UNC80: variants seen among roughly 807,000 people sequenced by gnomAD.
UNC80 encodes the protein unc-80 subunit of NALCN channel complex.
Under a neutral mutation model 384.6 loss-of-function variants are expected in UNC80, and 164 were observed. The observed-to-expected ratio is 0.43, with a 90% CI of 0.38 to 0.49. UNC80 has a LOEUF of 0.49. Ranked by LOEUF, UNC80 falls within the 20% of genes least tolerant of loss-of-function variation. UNC80 has a pLI of 0.00. For missense variants in UNC80, 3,330 were observed against 4,143.0 expected (o/e 0.80, Z 5.39); for synonymous variants, 1,486 against 1,527.8 (o/e 0.97, Z 0.64).
intron 14 of UNC80, 83 bp downstream of exon 14, chr2:209,826,136 A>G (rs2080502210): frequency 2.1e-5 from 29 of 1,352,028 alleles, no homozygotes; most frequent in Non-Finnish European, 2.7e-5. Flanking sequence ...AATGAGGGTC[A>G]GTGTTCCCTG....
At chr2:209,937,665 G>T in intron 42 of UNC80, 35 bp downstream of exon 42, 1 of 1,474,840 alleles carries the variant, frequency 6.8e-7, no homozygotes, top group Non-Finnish European at 9.3e-7. Context: ...CCATGGTTTT[G>T]TCATGTTGTT....
intron 22 of UNC80, among the ~76,000 whole-genome samples, chr2:209,866,586 C>T (rs2083848989): frequency 6.9e-6 from 1 of 145,270 alleles, no homozygotes; most frequent in Non-Finnish European, 1.5e-5. Context: ...CCCAAATAGT[C>T]AATAGTATTG....
rs761374288 is a variant in UNC80, at chr2:209,999,074, A to AT, written c.*3479_*3480insT. ...ATTGTCACTGTGACCACAGGATGAA[A>AT]ATCCTTTATTAGCCATTTTATAGGT... On this transcript the variant is annotated 3_prime_UTR_variant, in exon 65 of 65. Transcript: ENST00000673920. 1.3e-4 allele frequency: 20 copies of AT among 152,326 alleles called. No individual in the cohort carries two copies. In the East Asian group the frequency reaches 1.5e-3, roughly 12 times the overall value. The allele number at this position is 152,326 out of a possible 1,614,324, so 9.4% of individuals were successfully genotyped here.
At chr2:209,821,190 T>C (rs1389840675) in intron 13 of UNC80, among the ~76,000 whole-genome samples, 2 of 152,180 alleles carry the variant, frequency 1.3e-5, no homozygotes, top group East Asian at 3.9e-4. Context: ...ACCACTGTCT[T>C]ATTGTGTTCT....
At chr2:209,924,727 C>G (rs1032980924) in intron 35 of UNC80, among the ~76,000 whole-genome samples, 1 of 151,642 alleles carries the variant, frequency 6.6e-6, no homozygotes, top group African/African-American at 2.4e-5. Flanking sequence ...CTTCTCCCAA[C>G]TCATATGAGC....
At chr2:209,919,758 T>G (rs1188042817) in intron 33 of UNC80, among the ~76,000 whole-genome samples, 1 of 152,206 alleles carries the variant, frequency 6.6e-6, no homozygotes, top group African/African-American at 2.4e-5. Context: ...AATACACACC[T>G]GGTTCTTCTC....
chr2:209,838,429 C>G (rs1029717724), intron 18 of UNC80, among the ~76,000 whole-genome samples: 2 of 152,090 alleles, frequency 1.3e-5, no homozygotes, highest in African/African-American at 4.8e-5. Context: ...TCAAAAATCC[C>G]CTTGCAGGTA....
At chr2:209,978,061 G>A (rs1375336142) in intron 58 of UNC80, among the ~76,000 whole-genome samples, 1 of 152,122 alleles carries the variant, frequency 6.6e-6, no homozygotes, top group Non-Finnish European at 1.5e-5. Context: ...TATTTTATAG[G>A]TTGTAATTTC....
intron 29 of UNC80, among the ~76,000 whole-genome samples, chr2:209,905,426 A>T (rs1253702265): frequency 1.3e-5 from 2 of 152,088 alleles, no homozygotes; most frequent in East Asian, 3.9e-4. Flanking sequence ...AGAGCCAGAG[A>T]AGGAAATGTC....
At chr2:209,938,676 G>GTCTC (rs10555565) in intron 42 of UNC80, among the ~76,000 whole-genome samples, 14,462 of 137,000 alleles carry the variant, frequency 0.11, 843 homozygotes, top group East Asian at 0.15. Flanking sequence ...CCTAGTCTCT[G>GTCTC]TCTCTCTCTC....
chr2:209,995,253 GACA>G (rs1355157716), intron 64 of UNC80, 73 bp from the exon 65 acceptor site: 3 of 1,510,410 alleles, frequency 2.0e-6, no homozygotes, highest in African/African-American at 1.4e-5. Flanking sequence ...ATTACCACTA[GACA>G]ACAACATTTT....
intron 31 of UNC80, among the ~76,000 whole-genome samples, chr2:209,916,529 G>A (rs1273670450): frequency 2.6e-5 from 4 of 152,068 alleles, no homozygotes; most frequent in African/African-American, 9.7e-5. Context: ...AGGCAGGGTG[G>A]GTTTCATTTT....
At chr2:209,784,603 G>T (rs935098567) in intron 4 of UNC80, among the ~76,000 whole-genome samples, 3 of 151,984 alleles carry the variant, frequency 2.0e-5, no homozygotes, top group Admixed American at 2.0e-4. Context: ...CCTTCATTTT[G>T]TTCAGAACTT....
intron 28 of UNC80, among the ~76,000 whole-genome samples, chr2:209,903,232 G>A (rs954851986): frequency 6.9e-6 from 1 of 145,164 alleles, no homozygotes; most frequent in East Asian, 2.0e-4. Flanking sequence ...TTGATCTGCA[G>A]TTGGTTGAAT....
chr2:209,983,004 G>A (rs1053997705), intron 60 of UNC80: 3 of 151,402 alleles, frequency 2.0e-5, no homozygotes, highest in Non-Finnish European at 2.9e-5. Context: ...TCTCACATGA[G>A]TCAAAACATT....
rs2124974205 is a variant in UNC80, at chr2:209,937,605, A to G, written c.6440A>G (p.Lys2147Arg). 6.4e-7 allele frequency: 1 copy of G among 1,551,890 alleles called. No homozygotes were observed. The highest frequency in any genetic ancestry group is 2.4e-5 in the East Asian group (1 of 40,914). Residue 2147 changes from lysine to arginine, a missense_variant, in exon 42 of 65, where the codon AAG becomes AGG. Physicochemically the swap from Lys to Arg is conservative, Grantham distance 26 (BLOSUM62 2). This residue lies in a region of UNC80 where 1,049 missense variants were observed against 1,488.6 expected (regional missense o/e 0.70). Coordinates refer to ENST00000673920, the MANE Select transcript of UNC80 (RefSeq NM_001371986.1). ...AATCTTGTACATATGCATCCAGAGA[A>G]GGGACAGGAGCTCATTCAGAAACAG... ...QLNLVHMHPE[K>R]GQELIQKQVF... is the part of the protein sequence containing the mutation.
intron 47 of UNC80, among the ~76,000 whole-genome samples, chr2:209,948,781 G>A (rs1467909877): frequency 6.6e-6 from 1 of 152,088 alleles, no homozygotes; most frequent in Non-Finnish European, 1.5e-5. Flanking sequence ...ACTAAGAATA[G>A]TATTTGCTAA....
intron 8 of UNC80, among the ~76,000 whole-genome samples, chr2:209,814,912 C>A (rs2079620765): frequency 6.6e-6 from 1 of 151,872 alleles, no homozygotes; most frequent in African/African-American, 2.4e-5. Flanking sequence ...GATATTCTGC[C>A]TAAGTGGATA....
chr2:209,952,868 T>A (rs963971463), intron 47 of UNC80, among the ~76,000 whole-genome samples: 1 of 152,174 alleles, frequency 6.6e-6, no homozygotes, highest in Non-Finnish European at 1.5e-5. Context: ...CAAAAGAGTA[T>A]CATAGTTCTT....
Sources: gnomAD v4.1 joint callset for allele counts (sites outside exome capture counted in the v4.1 genomes callset) on GRCh38, gnomAD v4.1.1 for gene constraint, gnomAD v4.1.1 regional missense constraint, MANE v1.5 for transcripts, NCBI Gene and HGNC (gene_info 2026-07-23, HGNC 2026-07-21) for gene names.